The following NAE1 variants were observed in gnomAD, a reference collection of about 807,000 sequenced individuals.
NAE1 encodes the protein NEDD8 activating enzyme E1 subunit 1, also known as NEDD8-activating enzyme E1 regulatory subunit.
A neutral mutation model predicts 88.0 loss-of-function variants in NAE1; 59 were observed. The observed-to-expected ratio is 0.67, with a 90% CI of 0.54 to 0.83. The LOEUF is 0.83. NAE1 is among the 40% of genes least tolerant of loss of function. The pLI, the probability that NAE1 is intolerant of heterozygous loss-of-function variation, is 0.00. For synonymous variants in NAE1, 186 were observed against 208.9 expected (o/e 0.89, Z 0.95); for missense variants, 554 against 632.8 (o/e 0.88, Z 1.34).
chr16:66,813,415 A>T, intron 13 of NAE1, 149 bp downstream of exon 13: 2 of 951,166 alleles, frequency 2.1e-6, no homozygotes, highest in Non-Finnish European at 3.0e-6. Context: ...TGTTGGGATT[A>T]CAGGCATGAG....
intron 4 of NAE1, 134 bp from the exon 5 acceptor site, chr16:66,823,734 T>A: frequency 1.5e-6 from 1 of 688,958 alleles, no homozygotes; most frequent in Non-Finnish European, 2.4e-6. Context: ...TCTGTTTCCC[T>A]TCTTTTTTCT....
intron 9 of NAE1, 38 bp downstream of exon 9, chr16:66,817,387 A>G (rs775797281): frequency 1.6e-5 from 23 of 1,441,994 alleles, no homozygotes; most frequent in Non-Finnish European, 2.0e-5. Context: ...AACTGAAAAT[A>G]CAGTTGCATA....
At chr16:66,825,134 G>C (rs1422418958) in intron 3 of NAE1, among the ~76,000 whole-genome samples, 1 of 152,200 alleles carries the variant, frequency 6.6e-6, no homozygotes, top group Non-Finnish European at 1.5e-5. Flanking sequence ...TGAGAGAAAA[G>C]GGTTCCTTGG....
chr16:66,804,767 T>C (rs1041169212), intron 19 of NAE1, among the ~76,000 whole-genome samples: 1 of 151,870 alleles, frequency 6.6e-6, no homozygotes, highest in African/African-American at 2.4e-5. Flanking sequence ...CCTTCATGAA[T>C]AGGATTAGTG....
rs141461565 is a variant in NAE1, at chr16:66,812,431, C to A, written c.1034+1133G>T. Among the ~76,000 whole-genome samples, 308 of 151,730 alleles carry A rather than the reference C, an allele frequency of 2.0e-3. 6 individuals are homozygous for A. Among genetic ancestry groups the A allele is most frequent in the Admixed American group, 0.015 (224 of 15,252 alleles). On this transcript the variant is annotated intron_variant, in intron 13 of 19. Coordinates refer to ENST00000290810, the MANE Select transcript of NAE1 (RefSeq NM_003905.4). The stretch of plus-strand genomic sequence containing the variant: ...GTTTATCATGAAGTATGAAAAAAAA[C>A]TCTGCCTCCTAGGCGTATGTGGTAA...
intron 1 of NAE1, among the ~76,000 whole-genome samples, chr16:66,829,309 G>C (rs1960598558): frequency 1.3e-5 from 2 of 152,146 alleles, no homozygotes; most frequent in South Asian, 2.1e-4. Context: ...AGAACTCCAA[G>C]AATTTACAAG....
At position 66,830,890 on chromosome 16, in the gene NAE1, GCTGCGCCATGGCCGCGCCTGCC is replaced by G; in HGVS notation, c.-13_9del. 6.5e-7 allele frequency: 1 copy of G among 1,536,598 alleles called. No individual in the cohort carries two copies. The highest frequency in any genetic ancestry group is 8.7e-7 in the Non-Finnish European group (1 of 1,150,796). The stretch of plus-strand genomic sequence containing the variant: ...TTCTGCTCCTTGAGCAGCTTTCCCA[GCTGCGCCATGGCCGCGCCTGCC>G]GCGCGGAAAACAGCCGAGCCCCTGC... On this transcript the variant is annotated start_lost and 5_prime_UTR_variant, in exon 1 of 20. Transcript: ENST00000290810.
At chr16:66,830,762 C>A (rs1294395563) in intron 1 of NAE1, 85 bp downstream of exon 1, 3 of 1,337,744 alleles carry the variant, frequency 2.2e-6, no homozygotes, top group Non-Finnish European at 2.0e-6. Context: ...GAGGAAGGCC[C>A]GACCGCGCCG....
chr16:66,822,669 TATTTA>T (rs1456645066), intron 6 of NAE1, among the ~76,000 whole-genome samples: 2 of 149,170 alleles, frequency 1.3e-5, no homozygotes, highest in African/African-American at 4.9e-5. Context: ...TTTATTTATT[TATTTA>T]TTTTTTTTTT....
At chr16:66,820,711 C>T (rs1960216476) in intron 7 of NAE1, among the ~76,000 whole-genome samples, 1 of 152,132 alleles carries the variant, frequency 6.6e-6, no homozygotes, top group Admixed American at 6.6e-5. Context: ...ACCATCCTGG[C>T]TAACATGGTG....
intron 17 of NAE1, among the ~76,000 whole-genome samples, chr16:66,807,659 C>CTA (rs1354342513): frequency 6.7e-6 from 1 of 149,004 alleles, no homozygotes; most frequent in African/African-American, 2.4e-5. Flanking sequence ...AAAAAAAAGA[C>CTA]TATAAACTCT....
chr16:66,822,691 CAG>C (rs1960318876), intron 6 of NAE1, among the ~76,000 whole-genome samples: 1 of 141,446 alleles, frequency 7.1e-6, no homozygotes, highest in Non-Finnish European at 1.5e-5. Flanking sequence ...TTTTTTGAGA[CAG>C]AGTCTAACTC....
At chr16:66,812,273 T>G (rs1959831967) in intron 13 of NAE1, among the ~76,000 whole-genome samples, 1 of 152,112 alleles carries the variant, frequency 6.6e-6, no homozygotes, top group Non-Finnish European at 1.5e-5. Context: ...TTCAATACCT[T>G]AGTTTCTTCA....
intron 13 of NAE1, among the ~76,000 whole-genome samples, chr16:66,812,324 A>G (rs940095373): frequency 2.6e-5 from 4 of 151,874 alleles, no homozygotes; most frequent in African/African-American, 9.7e-5. Flanking sequence ...TCTCTCTCAT[A>G]AGGTCGTTGT....
intron 4 of NAE1, among the ~76,000 whole-genome samples, chr16:66,824,236 T>C (rs1960373014): frequency 2.0e-5 from 3 of 152,180 alleles, no homozygotes; most frequent in Non-Finnish European, 4.4e-5. Context: ...TCTATAATCC[T>C]GTACAAGAGT....
intron 7 of NAE1, among the ~76,000 whole-genome samples, chr16:66,819,487 A>T (rs1447499702): frequency 6.6e-6 from 1 of 152,246 alleles, no homozygotes; most frequent in East Asian, 1.9e-4. Flanking sequence ...CAAATAATTT[A>T]ATCTCTCATT....
chr16:66,815,953 C>G (rs573202792), intron 11 of NAE1, among the ~76,000 whole-genome samples: 3 of 152,048 alleles, frequency 2.0e-5, no homozygotes, highest in Non-Finnish European at 1.5e-5. Flanking sequence ...TGTGAGCCAC[C>G]GCGCCTGGCC....
At chr16:66,829,381 G>A (rs1960600794) in intron 1 of NAE1, among the ~76,000 whole-genome samples, 1 of 152,192 alleles carries the variant, frequency 6.6e-6, no homozygotes, top group South Asian at 2.1e-4. Flanking sequence ...TTGGAAGCAG[G>A]ATGTAACTGA....
chr16:66,821,235 C>G (rs1435267950), intron 7 of NAE1, among the ~76,000 whole-genome samples: 1 of 152,172 alleles, frequency 6.6e-6, no homozygotes, highest in African/African-American at 2.4e-5. Flanking sequence ...GATGAAGAAG[C>G]TGTGCCTGTG....
Sources: gnomAD v4.1 joint callset for allele counts (sites outside exome capture counted in the v4.1 genomes callset) on GRCh38, gnomAD v4.1.1 for gene constraint, MANE v1.5 for transcripts, NCBI Gene and HGNC (gene_info 2026-07-23, HGNC 2026-07-21) for gene names.